Variants in PBX3 observed in about 807,000 individuals in gnomAD.
PBX3 encodes the protein pre-B-cell leukemia transcription factor 3.
Under a neutral mutation model 48.5 loss-of-function variants are expected in PBX3, and 14 were observed. The ratio of observed to expected loss-of-function variants is 0.29; its 90% confidence interval spans 0.19 to 0.45. PBX3 has a LOEUF of 0.45. PBX3 is among the 20% of genes least tolerant of loss of function. PBX3 has a pLI of 1.00. For missense variants in PBX3, 386 were observed against 546.7 expected, an observed-to-expected ratio of 0.71 and a Z score of 2.93; for synonymous variants, 210 against 200.3, an observed-to-expected ratio of 1.05 and a Z score of -0.41.
At chr9:125,964,526 TA>T (rs951347790) in intron 8 of PBX3, among the ~76,000 whole-genome samples, 3 of 151,534 alleles carry the variant, frequency 2.0e-5, no homozygotes, top group Admixed American at 1.3e-4. Context: ...TTTTTTTTTT[TA>T]AATACTGTTT....
At chr9:125,891,253 T>TA (rs2132385774) in intron 2 of PBX3, among the ~76,000 whole-genome samples, 1 of 152,358 alleles carries the variant, frequency 6.6e-6, no homozygotes, top group South Asian at 2.1e-4. Flanking sequence ...ATATAATACA[T>TA]ATTTTAGAAG....
chr9:125,905,690 A>G (rs773801381), intron 2 of PBX3, among the ~76,000 whole-genome samples: 20 of 151,980 alleles, frequency 1.3e-4, no homozygotes, highest in East Asian at 1.9e-4. Flanking sequence ...TCAATTATCA[A>G]TTGTGGAAAA....
intron 2 of PBX3, among the ~76,000 whole-genome samples, chr9:125,907,339 TA>T (rs1684173206): frequency 1.3e-5 from 2 of 152,078 alleles, no homozygotes; most frequent in Admixed American, 1.3e-4. Context: ...AGAAATTAGA[TA>T]AACATTTTGA....
intron 2 of PBX3, among the ~76,000 whole-genome samples, chr9:125,856,316 T>C (rs1839722287): frequency 6.6e-6 from 1 of 152,106 alleles, no homozygotes; most frequent in Non-Finnish European, 1.5e-5. Flanking sequence ...ATGAGAAAAA[T>C]GTTGCTTTCT....
intron 5 of PBX3, among the ~76,000 whole-genome samples, chr9:125,943,352 C>CAAAAAAAAAAAAAAAAA (rs60326557): frequency 1.1e-4 from 7 of 60,876 alleles, no homozygotes; most frequent in Non-Finnish European, 1.6e-4. Context: ...GAGACTGTCT[C>CAAAAAAAAAAAAAAAAA]AAAAAAAAAA....
At chr9:125,808,303 A>G (rs1838187305) in intron 2 of PBX3, among the ~76,000 whole-genome samples, 2 of 152,212 alleles carry the variant, frequency 1.3e-5, no homozygotes, top group South Asian at 4.1e-4. Flanking sequence ...GACAGAATCC[A>G]AACTGATACC....
chr9:125,851,615 A>G (rs1233025657), intron 2 of PBX3, among the ~76,000 whole-genome samples: 13 of 152,168 alleles, frequency 8.5e-5, no homozygotes, highest in Admixed American at 8.5e-4. Context: ...ATTTTAACAC[A>G]TATCAAATAA....
chr9:125,934,674 A>G (rs2132527134), intron 4 of PBX3, among the ~76,000 whole-genome samples: 1 of 152,264 alleles, frequency 6.6e-6, no homozygotes, highest in African/African-American at 2.4e-5. Flanking sequence ...CTTAAGCAGA[A>G]AAACCTAGAA....
At chr9:125,841,954 A>G (rs1839299676) in intron 2 of PBX3, among the ~76,000 whole-genome samples, 1 of 152,162 alleles carries the variant, frequency 6.6e-6, no homozygotes, top group Non-Finnish European at 1.5e-5. Context: ...TCTAGATGAA[A>G]AATTTGAGTA....
At chr9:125,815,239 A>G (rs1197028196) in intron 2 of PBX3, among the ~76,000 whole-genome samples, 2 of 152,198 alleles carry the variant, frequency 1.3e-5, no homozygotes, top group Non-Finnish European at 2.9e-5. Flanking sequence ...CTCTCCTTGC[A>G]CAGTTGAAAA....
intron 2 of PBX3, among the ~76,000 whole-genome samples, chr9:125,878,834 G>GAT (rs1298265410): frequency 6.6e-6 from 1 of 152,176 alleles, no homozygotes; most frequent in Non-Finnish European, 1.5e-5. Context: ...AGTCGTTAGT[G>GAT]ATATAAGAGG....
chr9:125,865,661 C>T lies in PBX3; in HGVS notation c.275-50025C>T, dbSNP rs566805976. Among the ~76,000 whole-genome samples the T allele has an allele frequency of 3.9e-5, 6 of 152,234 alleles. No homozygotes were observed. In the South Asian group the frequency reaches 1.0e-3, roughly 26 times the overall value. On this transcript the variant is annotated intron_variant, in intron 2 of 8. Coordinates refer to ENST00000373489, the MANE Select transcript of PBX3 (RefSeq NM_006195.6). ...ATCTGATTGTTTTTGCATAACATTT[C>T]CCTTTTCAAAAGACCCCAAAGCTCC... is the stretch of plus-strand genomic sequence containing the variant.
intron 2 of PBX3, among the ~76,000 whole-genome samples, chr9:125,897,610 A>C (rs1840804701): frequency 6.6e-6 from 1 of 151,932 alleles, no homozygotes; most frequent in South Asian, 2.1e-4. Context: ...AAATGTATTC[A>C]CATGTCTAAA....
chr9:125,755,428 G>C (rs1836488081), intron 2 of PBX3, among the ~76,000 whole-genome samples: 1 of 152,128 alleles, frequency 6.6e-6, no homozygotes, highest in African/African-American at 2.4e-5. Flanking sequence ...TTTAGAGAGA[G>C]AGGATAAATA....
At chr9:125,800,101 C>T (rs1438272086) in intron 2 of PBX3, among the ~76,000 whole-genome samples, 1 of 152,172 alleles carries the variant, frequency 6.6e-6, no homozygotes, top group Non-Finnish European at 1.5e-5. Context: ...AATAGACCAT[C>T]AGATCTTAAC....
intron 2 of PBX3, among the ~76,000 whole-genome samples, chr9:125,848,527 C>T (rs1046287182): frequency 7.9e-5 from 12 of 151,774 alleles, no homozygotes; most frequent in Non-Finnish European, 1.3e-4. Context: ...TAGATTGGTG[C>T]TATTGCATTA....
At chr9:125,767,422 C>A (rs976891726) in intron 2 of PBX3, among the ~76,000 whole-genome samples, 4 of 152,114 alleles carry the variant, frequency 2.6e-5, no homozygotes, top group African/African-American at 4.8e-5. Flanking sequence ...TCATGTAATT[C>A]AAAAATCTGC....
chr9:125,789,703 A>G (rs10986915), intron 2 of PBX3, among the ~76,000 whole-genome samples: 3,054 of 152,224 alleles, frequency 0.02, 171 homozygotes, highest in East Asian at 0.17. Context: ...TAGGGTGTGA[A>G]TAGTAGGCAG....
At chr9:125,905,688 CAATTGTGGAA>C (rs1367129832) in intron 2 of PBX3, among the ~76,000 whole-genome samples, 5 of 151,962 alleles carry the variant, frequency 3.3e-5, no homozygotes, top group African/African-American at 1.2e-4. Flanking sequence ...TATCAATTAT[CAATTGTGGAA>C]AATTGTGAAT....
Sources: allele counts gnomAD v4.1 joint callset (sites outside exome capture counted in the v4.1 genomes callset), GRCh38; gene constraint gnomAD v4.1.1; transcripts MANE v1.5; gene names NCBI Gene and HGNC (gene_info 2026-07-23, HGNC 2026-07-21).